TENM2: variants seen among roughly 807,000 people sequenced by gnomAD.
TENM2 encodes teneurin-2.
TENM2 carries 52 observed loss-of-function variants against 245.2 expected under a neutral mutation model. That is an observed-to-expected ratio of 0.21 (90% confidence interval 0.17 to 0.27). The LOEUF (loss-of-function observed/expected upper bound fraction) is 0.27, where lower values mean the gene tolerates loss of function less well. TENM2 is among the 10% of genes least tolerant of loss of function. The pLI is 1.00. For missense variants in TENM2, 3,046 were observed against 3,666.8 expected (o/e 0.83, Z 4.37); for synonymous variants, 1,363 against 1,438.9 (o/e 0.95, Z 1.19).
At chr5:167,834,933 A>G (rs1289408630) in intron 2 of TENM2, among the ~76,000 whole-genome samples, 1 of 152,204 alleles carries the variant, frequency 6.6e-6, no homozygotes. Flanking sequence ...TACAGGCATG[A>G]GCCACTGCGC....
chr5:167,271,510 C>T, the TENM2 span, among the ~76,000 whole-genome samples: 2 of 152,132 alleles, frequency 1.3e-5, no homozygotes, highest in East Asian at 3.9e-4. Flanking sequence ...TTTGTCTTTT[C>T]ATTGCTATTC....
At chr5:168,142,027 G>A (rs2152402212) in intron 12 of TENM2, among the ~76,000 whole-genome samples, 1 of 152,318 alleles carries the variant, frequency 6.6e-6, no homozygotes. Flanking sequence ...CCCCAGTGCT[G>A]CCAAATCCAG....
intron 12 of TENM2, among the ~76,000 whole-genome samples, chr5:168,136,462 G>A (rs1755054711): frequency 6.6e-6 from 1 of 152,178 alleles, no homozygotes. Flanking sequence ...CCTACTGCCA[G>A]GATCCATGCC....
At chr5:167,992,534 C>T (rs1316090732) in intron 4 of TENM2, among the ~76,000 whole-genome samples, 2 of 152,104 alleles carry the variant, frequency 1.3e-5, no homozygotes, top group Non-Finnish European at 2.9e-5. Flanking sequence ...ACATCAAATG[C>T]CAGTGACACG....
At chr5:168,033,436 T>C (rs1290663281) in intron 5 of TENM2, among the ~76,000 whole-genome samples, 4 of 152,200 alleles carry the variant, frequency 2.6e-5, no homozygotes, top group Non-Finnish European at 4.4e-5. Context: ...GTGAGGATAC[T>C]TGCTACCTCA....
At chr5:167,128,043 A>G in the TENM2 span, among the ~76,000 whole-genome samples, 1 of 152,162 alleles carries the variant, frequency 6.6e-6, no homozygotes, top group Admixed American at 6.5e-5. Flanking sequence ...CCAGTGTATG[A>G]TGCTGAGTAC....
chr5:167,502,508 G>A (rs994901198), intron 2 of TENM2, among the ~76,000 whole-genome samples: 1 of 151,928 alleles, frequency 6.6e-6, no homozygotes, highest in Non-Finnish European at 1.5e-5. Flanking sequence ...ATATTCATTG[G>A]GTAAACAATA....
intron 2 of TENM2, among the ~76,000 whole-genome samples, chr5:167,424,152 T>G (rs1025776394): frequency 4.7e-5 from 5 of 106,604 alleles, no homozygotes. Flanking sequence ...CCCTTGAATG[T>G]GTTGACCTAA....
intron 2 of TENM2, among the ~76,000 whole-genome samples, chr5:167,555,378 C>T (rs1160273935): frequency 1.3e-5 from 2 of 152,226 alleles, no homozygotes; most frequent in East Asian, 1.9e-4. Context: ...TTTCTTTTTG[C>T]TCATTTATAT....
chr5:167,431,504 G>A (rs1352024610), intron 2 of TENM2, among the ~76,000 whole-genome samples: 1 of 152,038 alleles, frequency 6.6e-6, no homozygotes, highest in Non-Finnish European at 1.5e-5. Flanking sequence ...CCAAGATTCA[G>A]GAAAAGTTTG....
intron 2 of TENM2, among the ~76,000 whole-genome samples, chr5:167,625,175 C>T (rs920091165): frequency 3.3e-5 from 5 of 152,150 alleles, no homozygotes; most frequent in African/African-American, 1.2e-4. Flanking sequence ...CGTAGCAACT[C>T]CTCTTCTGAA....
At chr5:167,481,060 T>C (rs912047287) in intron 2 of TENM2, among the ~76,000 whole-genome samples, 11 of 152,312 alleles carry the variant, frequency 7.2e-5, no homozygotes, top group African/African-American at 2.6e-4. Context: ...TTTCAATATT[T>C]TGTACTGTCT....
chr5:168,055,550 A>G (rs1170095861), intron 6 of TENM2, among the ~76,000 whole-genome samples: 1 of 152,148 alleles, frequency 6.6e-6, no homozygotes, highest in African/African-American at 2.4e-5. Context: ...CACTCACTGT[A>G]TATTGATTTC....
At chr5:168,084,125 G>C (rs189723591) in intron 7 of TENM2, among the ~76,000 whole-genome samples, 1 of 152,154 alleles carries the variant, frequency 6.6e-6, no homozygotes, top group Non-Finnish European at 1.5e-5. Context: ...ATAGTATTCC[G>C]TGGTGTATAT....
At chr5:167,998,178 C>T (rs557285922) in intron 5 of TENM2, among the ~76,000 whole-genome samples, 110 of 152,242 alleles carry the variant, frequency 7.2e-4, no homozygotes, top group African/African-American at 2.6e-3. Context: ...ATTGCCTGGC[C>T]ATTTTGCCTA....
At chr5:167,375,162 A>G in intron 1 of TENM2, 36 bp from the exon 4 acceptor site, 1 of 1,536,686 alleles carries the variant, frequency 6.5e-7, no homozygotes. Flanking sequence ...AGCATCTCAC[A>G]AATTTTAATC....
At chr5:167,387,336 T>TA (rs1561914953) in intron 2 of TENM2, among the ~76,000 whole-genome samples, 1 of 152,100 alleles carries the variant, frequency 6.6e-6, no homozygotes, top group African/African-American at 2.4e-5. Flanking sequence ...TGTCGGTGTA[T>TA]AGAAGAGCTA....
chr5:167,104,499 A>G, the TENM2 span, among the ~76,000 whole-genome samples: 5 of 152,354 alleles, frequency 3.3e-5, no homozygotes, highest in Non-Finnish European at 7.4e-5. Flanking sequence ...CCAACATTAA[A>G]CAGATATACA....
At chr5:167,635,616 G>A (rs1385891204) in intron 2 of TENM2, among the ~76,000 whole-genome samples, 1 of 137,966 alleles carries the variant, frequency 7.2e-6, no homozygotes, top group Non-Finnish European at 1.5e-5. Flanking sequence ...AAGGAATCTG[G>A]CTATGATCAG....
Sources: gnomAD v4.1 joint callset for allele counts (sites outside exome capture counted in the v4.1 genomes callset) on GRCh38, gnomAD v4.1.1 for gene constraint, MANE v1.5 for transcripts, NCBI Gene and HGNC (gene_info 2026-07-23, HGNC 2026-07-21) for gene names.